The following API5 variants were observed in gnomAD, a reference collection of about 807,000 sequenced individuals.
API5 encodes FIF.
Under a neutral mutation model 71.9 loss-of-function variants are expected in API5, and 6 were observed. That is an observed-to-expected ratio of 0.08 (90% CI 0.05 to 0.16). API5 has a LOEUF of 0.16. Among genes scored for constraint, API5 ranks in the 10% least tolerant of loss-of-function variants. The pLI is 1.00. For missense variants in API5, 332 were observed against 612.8 expected, an observed-to-expected ratio of 0.54 and a Z score of 4.84; for synonymous variants, 189 against 221.3, an observed-to-expected ratio of 0.85 and a Z score of 1.30.
chr11:43,327,638 C>A, intron 7 of API5, 151 bp from the exon 8 acceptor site: 1 of 547,810 alleles, frequency 1.8e-6, no homozygotes, highest in Non-Finnish European at 3.1e-6. Flanking sequence ...TGTTGGGCTG[C>A]ATCTATCTCT....
chr11:43,331,893 A>G (rs1855268937), intron 11 of API5: 1 of 152,196 alleles, frequency 6.6e-6, no homozygotes, highest in South Asian at 2.1e-4. Flanking sequence ...GCTGCCATTT[A>G]TTACAAATCT....
At chr11:43,325,490 G>A (rs56109100) in intron 6 of API5, among the ~76,000 whole-genome samples, 14,070 of 152,262 alleles carry the variant, frequency 0.092, 807 homozygotes, top group Middle Eastern at 0.16. Flanking sequence ...GAAGAAGACC[G>A]ATGATTAATA....
At chr11:43,338,556 A>C (rs1319802050) in intron 13 of API5, among the ~76,000 whole-genome samples, 4 of 151,754 alleles carry the variant, frequency 2.6e-5, no homozygotes, top group African/African-American at 9.7e-5. Flanking sequence ...AAAGATCATG[A>C]AAATGCAGAG....
chr11:43,336,689 A>C (rs1855443727), intron 13 of API5, among the ~76,000 whole-genome samples: 1 of 152,158 alleles, frequency 6.6e-6, no homozygotes, highest in African/African-American at 2.4e-5. Flanking sequence ...GAGAAATATC[A>C]GGTCAATTCC....
rs1233276535 is a variant in API5 at position 43,317,120 on chromosome 11, G to C, written c.70-1520G>C. On this transcript the variant is annotated intron_variant, in intron 1 of 13. Coordinates refer to ENST00000531273, the MANE Select transcript of API5 (RefSeq NM_001142930.2). ...TAAGCTCATGTGTCTAAAGCACTTA[G>C]AACACTCCTTATACATAATAAATAC... 5.3e-5 allele frequency among the ~76,000 whole-genome samples: 8 copies of C among 152,132 alleles called. No individual in the cohort carries two copies. The East Asian group carries it at 1.5e-3, about 29-fold the overall frequency.
rs1035491178 is a variant in API5, at chr11:43,335,298, T to C, written c.1299T>C (p.Pro433=). 13 of 1,606,502 alleles carry C rather than the reference T, an allele frequency of 8.1e-6. No homozygotes were observed. The highest frequency in any genetic ancestry group is 1.3e-5 in the African/African-American group (1 of 74,736). Residue 433 remains proline, a synonymous_variant, in exon 12 of 14, where the codon CCT becomes CCC. Transcript: ENST00000531273. ...TGCAGGATCTCTTCCACATTCCTCCTTCTTATAAGAGCACAGTAACACTAT... is the reference window on the plus strand; with the variant it reads ...TGCAGGATCTCTTCCACATTCCTCCCTCTTATAAGAGCACAGTAACACTAT... ...VLIKDLFHIP[P]SYKSTVTLSW...
chr11:43,315,510 A>G, intron 1 of API5, among the ~76,000 whole-genome samples: 1 of 152,202 alleles, frequency 6.6e-6, no homozygotes, highest in East Asian at 1.9e-4. Flanking sequence ...CATTTACAAA[A>G]GAAAAGAAAA....
chr11:43,327,097 G>C (rs1565106458), intron 7 of API5, among the ~76,000 whole-genome samples: 1 of 152,102 alleles, frequency 6.6e-6, no homozygotes, highest in Non-Finnish European at 1.5e-5. Context: ...CCAGAATCTG[G>C]CACAAAACTT....
chr11:43,317,471 TTGTC>T (rs1428371936), intron 1 of API5, among the ~76,000 whole-genome samples: 2 of 152,116 alleles, frequency 1.3e-5, no homozygotes, highest in Non-Finnish European at 2.9e-5. Flanking sequence ...TAATCCAAAA[TTGTC>T]TGGCTATATG....
chr11:43,338,619 A>G (rs1455899638), intron 13 of API5, among the ~76,000 whole-genome samples: 1 of 145,584 alleles, frequency 6.9e-6, no homozygotes, highest in African/African-American at 2.5e-5. Flanking sequence ...GAATCTCTGT[A>G]CTATAGAAAT....
rs1404889293 is a variant in API5, at chr11:43,344,472, C to G, written c.*1962C>G. The G allele has an allele frequency of 6.6e-6, 1 of 152,526 alleles. No homozygotes were observed. The highest frequency in any genetic ancestry group is 2.4e-5 in the African/African-American group (1 of 41,392). 9.4% of individuals were successfully genotyped at this position (152,526 alleles called of 1,614,324 possible). On this transcript the variant is annotated 3_prime_UTR_variant, in exon 14 of 14. Coordinates refer to ENST00000531273, the MANE Select transcript of API5 (RefSeq NM_001142930.2). ...CTTTTGCAAGACACCTGTTTATCAT[C>G]TTGTTTAAATGTAAATGTCCCCTTA... is the stretch of plus-strand genomic sequence containing the variant.
intron 1 of API5, chr11:43,318,412 T>C: frequency 1.3e-6 from 2 of 1,530,364 alleles, no homozygotes; most frequent in African/African-American, 2.7e-5. Flanking sequence ...TTTTTCCACT[T>C]AAAATTAGAC....
At chr11:43,335,824 T>C (rs751306046) in intron 12 of API5, 34 bp from the exon 13 acceptor site, 1 of 1,569,952 alleles carries the variant, frequency 6.4e-7, no homozygotes, top group Non-Finnish European at 8.6e-7. Flanking sequence ...CTTAATAGAA[T>C]GTTTTTGAAT....
intron 1 of API5, among the ~76,000 whole-genome samples, chr11:43,315,315 C>T (rs1255123611): frequency 6.6e-6 from 1 of 152,160 alleles, no homozygotes; most frequent in African/African-American, 2.4e-5. Context: ...ACTAATAATG[C>T]TTCAGACTTG....
intron 2 of API5, among the ~76,000 whole-genome samples, chr11:43,319,380 A>G (rs5743216): frequency 3.5e-4 from 54 of 152,336 alleles, no homozygotes; most frequent in Middle Eastern, 6.8e-3. Context: ...CAGATGAAAC[A>G]GCGAATTGCC....
intron 1 of API5, among the ~76,000 whole-genome samples, chr11:43,316,532 G>T (rs1053098342): frequency 3.9e-5 from 6 of 152,248 alleles, no homozygotes; most frequent in African/African-American, 1.4e-4. Flanking sequence ...TATGAAGCCT[G>T]CCTAGAAGTC....
intron 11 of API5, among the ~76,000 whole-genome samples, chr11:43,333,533 A>G (rs1855327338): frequency 6.6e-6 from 1 of 152,202 alleles, no homozygotes; most frequent in Admixed American, 6.5e-5. Context: ...ACTGGCTACT[A>G]TTGATTACAT....
chr11:43,321,778 C>A (rs1235316105), intron 4 of API5, among the ~76,000 whole-genome samples: 1 of 152,158 alleles, frequency 6.6e-6, no homozygotes, highest in Non-Finnish European at 1.5e-5. Flanking sequence ...AAAGGAAAGT[C>A]ATGCTTAAGC....
rs767630323 is a variant in API5, at chr11:43,342,692, A to G, written c.*182A>G. On this transcript the variant is annotated 3_prime_UTR_variant, in exon 14 of 14. Transcript: ENST00000531273. ...CAGACCATGGTTGTGTCCAAGGTAA[A>G]ACCACAGTGATATTTTTGGATGCTT... The G allele has an allele frequency of 1.1e-5, 8 of 705,674 alleles. No individual in the cohort carries two copies. The South Asian group carries it at 1.2e-4, about 11-fold the overall frequency. 43.7% of individuals were successfully genotyped at this position (705,674 alleles called of 1,614,324 possible).
Sources: gnomAD v4.1 joint callset for allele counts (sites outside exome capture counted in the v4.1 genomes callset) on GRCh38, gnomAD v4.1.1 for gene constraint, MANE v1.5 for transcripts, NCBI Gene and HGNC (gene_info 2026-07-23, HGNC 2026-07-21) for gene names.